The following FNIP2 variants were observed in gnomAD, a reference collection of about 807,000 sequenced individuals.
FNIP2 encodes the protein folliculin-interacting protein 2.
A neutral mutation model predicts 108.7 loss-of-function variants in FNIP2; 32 were observed. That is an observed-to-expected ratio of 0.29 (90% confidence interval 0.22 to 0.40). FNIP2 has a LOEUF of 0.40. Ranked by LOEUF, FNIP2 falls within the 10% of genes least tolerant of loss-of-function variation. The probability of loss-of-function intolerance (pLI) is 1.00; values close to 1 mark genes in which losing one functional copy is unlikely to be tolerated. For synonymous variants in FNIP2, 480 were observed against 496.7 expected, an observed-to-expected ratio of 0.97 and a Z score of 0.45; for missense variants, 1,202 against 1,381.6, an observed-to-expected ratio of 0.87 and a Z score of 2.06.
intron 7 of FNIP2, among the ~76,000 whole-genome samples, chr4:158,844,837 T>G (rs913944735): frequency 1.3e-5 from 2 of 152,250 alleles, no homozygotes; most frequent in Non-Finnish European, 2.9e-5. Flanking sequence ...AGTTAAACAT[T>G]AATCTTGAAC....
At chr4:158,874,631 G>A (rs984508176) in intron 14 of FNIP2, among the ~76,000 whole-genome samples, 1 of 152,000 alleles carries the variant, frequency 6.6e-6, no homozygotes, top group Non-Finnish European at 1.5e-5. Flanking sequence ...TCCAGCCTGG[G>A]TAACAGAGCA....
intron 1 of FNIP2, among the ~76,000 whole-genome samples, chr4:158,793,325 T>G (rs1776482200): frequency 6.6e-6 from 1 of 152,194 alleles, no homozygotes. Context: ...AACAGGCCTA[T>G]GCAAAGTATC....
chr4:158,793,868 C>T (rs190495695), intron 1 of FNIP2, among the ~76,000 whole-genome samples: 22 of 152,198 alleles, frequency 1.4e-4, no homozygotes, highest in African/African-American at 5.1e-4. Flanking sequence ...GTAAATGGAA[C>T]GGAGGCAAAT....
chr4:158,845,674 T>A (rs967394139), intron 7 of FNIP2, among the ~76,000 whole-genome samples: 2 of 152,246 alleles, frequency 1.3e-5, no homozygotes, highest in African/African-American at 4.8e-5. Flanking sequence ...CAGGCCAACA[T>A]TCAGATACAC....
intron 12 of FNIP2, among the ~76,000 whole-genome samples, chr4:158,863,472 A>G (rs1780406169): frequency 6.6e-6 from 1 of 152,238 alleles, no homozygotes; most frequent in Middle Eastern, 3.4e-3. Context: ...TTCCCCCTCC[A>G]TGGCTGCTCA....
intron 14 of FNIP2, chr4:158,889,876 AC>A: frequency 1.0e-6 from 1 of 985,320 alleles, no homozygotes; most frequent in Non-Finnish European, 1.2e-6. Flanking sequence ...TAAATTTATA[AC>A]ACAGGATGAA....
At chr4:158,818,076 C>G (rs752642723) in intron 1 of FNIP2, among the ~76,000 whole-genome samples, 7 of 152,232 alleles carry the variant, frequency 4.6e-5, no homozygotes, top group Non-Finnish European at 8.8e-5. Context: ...TGATCCTGAA[C>G]TCAGAAAGGA....
At chr4:158,893,315 C>T (rs1006242210) in intron 15 of FNIP2, 1 of 175,050 alleles carries the variant, frequency 5.7e-6, no homozygotes, top group African/African-American at 2.4e-5. Flanking sequence ...ACTTCCTAAC[C>T]ATGTACTCTT....
In FNIP2 at chr4:158,861,466, A is replaced by G. The variant is rs1201582365; in HGVS notation, c.1273A>G (p.Ile425Val). ...CTTTCTCAAGGAGTTTACACTTCTGATAGAACAGATAAATAAAAACCAGTA... is the reference window on the plus strand; with the variant it reads ...CTTTCTCAAGGAGTTTACACTTCTGGTAGAACAGATAAATAAAAACCAGTA... ...QRFLKEFTLL[I>V]EQINKNQFFA... Residue 425 changes from isoleucine to valine, a missense_variant, in exon 11 of 17, where the codon ATA (isoleucine) becomes GTA (valine). Ile to Val is a conservative substitution (Grantham distance 29, BLOSUM62 3). Transcript: ENST00000264433. 2 of 1,613,874 alleles carry G rather than the reference A, an allele frequency of 1.2e-6. No individual in the cohort carries two copies. The highest frequency in any genetic ancestry group is 1.1e-5 in the South Asian group (1 of 91,074).
At chr4:158,789,660 C>T (rs988546155) in intron 1 of FNIP2, among the ~76,000 whole-genome samples, 10 of 152,154 alleles carry the variant, frequency 6.6e-5, no homozygotes, top group Admixed American at 4.6e-4. Context: ...TTGAGGAGTT[C>T]GGTTCATGGA....
At chr4:158,870,222 A>C in intron 13 of FNIP2, 91 bp from the exon 14 acceptor site, 1 of 1,353,254 alleles carries the variant, frequency 7.4e-7, no homozygotes, top group Non-Finnish European at 1.0e-6. Context: ...TATTTTATTT[A>C]CCTGTATCAT....
chr4:158,822,192 T>A (rs1341656404), intron 1 of FNIP2, among the ~76,000 whole-genome samples: 1 of 149,786 alleles, frequency 6.7e-6, no homozygotes, highest in Non-Finnish European at 1.5e-5. Context: ...TTTTTTTTTT[T>A]TTTGAGATAG....
intron 12 of FNIP2, among the ~76,000 whole-genome samples, chr4:158,867,619 C>CTT (rs1780657162): frequency 6.6e-6 from 1 of 152,156 alleles, no homozygotes; most frequent in East Asian, 1.9e-4. Flanking sequence ...CTGTGTAGAC[C>CTT]ACCTCATTAA....
intron 1 of FNIP2, among the ~76,000 whole-genome samples, chr4:158,802,463 A>G (rs1776795711): frequency 6.6e-6 from 1 of 152,144 alleles, no homozygotes; most frequent in African/African-American, 2.4e-5. Flanking sequence ...AATAATCAGA[A>G]TGGACTTTTT....
At chr4:158,794,057 T>A (rs1258017577) in intron 1 of FNIP2, among the ~76,000 whole-genome samples, 5 of 152,236 alleles carry the variant, frequency 3.3e-5, no homozygotes, top group Non-Finnish European at 5.9e-5. Context: ...AAATAAAGAA[T>A]GTGAAATATT....
intron 16 of FNIP2, among the ~76,000 whole-genome samples, chr4:158,900,825 C>G (rs1729161962): frequency 6.6e-6 from 1 of 151,996 alleles, no homozygotes; most frequent in Non-Finnish European, 1.5e-5. Context: ...GGCATTTAGC[C>G]CGTATTTGAT....
chr4:158,773,188 CT>C (rs1181981414), intron 1 of FNIP2, among the ~76,000 whole-genome samples: 2 of 152,144 alleles, frequency 1.3e-5, no homozygotes, highest in African/African-American at 4.8e-5. Context: ...GTTTTGATTT[CT>C]TTTGACTACT....
chr4:158,903,339 G>A lies in FNIP2; in HGVS notation c.3267-1127G>A, dbSNP rs538836033. Among the ~76,000 whole-genome samples, 9 of 152,148 alleles carry A rather than the reference G, an allele frequency of 5.9e-5. No individual in the cohort carries two copies. In the East Asian group the frequency reaches 9.7e-4, roughly 16 times the overall value. ...CCAGCCACTCCCAATGAGATGAGCC[G>A]GGTACATCAGTTGGAAATACAGAAA... is the stretch of plus-strand genomic sequence containing the variant. On this transcript the variant is annotated intron_variant, in intron 16 of 16. Transcript: ENST00000264433.
intron 1 of FNIP2, among the ~76,000 whole-genome samples, chr4:158,777,409 C>T (rs1775896497): frequency 6.6e-6 from 1 of 152,210 alleles, no homozygotes; most frequent in Admixed American, 6.5e-5. Context: ...ATCATCTCTG[C>T]TTTCCATGTA....
Sources: gnomAD v4.1 joint callset for allele counts (sites outside exome capture counted in the v4.1 genomes callset) on GRCh38, gnomAD v4.1.1 for gene constraint, MANE v1.5 for transcripts, NCBI Gene and HGNC (gene_info 2026-07-23, HGNC 2026-07-21) for gene names.